GPHN: variants seen among roughly 807,000 people sequenced by gnomAD.
GPHN encodes the protein gephyrin.
GPHN carries 17 observed loss-of-function variants against 95.5 expected under a neutral mutation model. The observed-to-expected ratio is 0.18, with a 90% CI of 0.12 to 0.27. The LOEUF (loss-of-function observed/expected upper bound fraction) is 0.27. Among genes scored for constraint, GPHN ranks in the 10% least tolerant of loss-of-function variants. The pLI, the probability that GPHN is intolerant of heterozygous loss-of-function variation, is 1.00. For synonymous variants in GPHN, 320 were observed against 322.5 expected (o/e 0.99, Z 0.08); for missense variants, 660 against 978.1 (o/e 0.67, Z 4.34).
At chr14:67,268,594 G>A in the GPHN span, among the ~76,000 whole-genome samples, 1,329 of 152,280 alleles carry the variant, frequency 8.7e-3, 20 homozygotes, top group African/African-American at 0.029. Context: ...AGACCATATA[G>A]GGTGACTTCC....
chr14:66,887,706 A>G (rs1479445605), intron 5 of GPHN, among the ~76,000 whole-genome samples: 1 of 152,218 alleles, frequency 6.6e-6, no homozygotes, highest in Non-Finnish European at 1.5e-5. Flanking sequence ...GGCTATGAAG[A>G]AAAATTACAA....
intron 10 of GPHN, among the ~76,000 whole-genome samples, chr14:67,049,759 C>T (rs2075218127): frequency 6.6e-6 from 1 of 152,178 alleles, no homozygotes; most frequent in East Asian, 1.9e-4. Flanking sequence ...GATCCGCCCA[C>T]CTCAGCCTCC....
At chr14:66,549,516 G>A (rs2059738321) in intron 1 of GPHN, among the ~76,000 whole-genome samples, 1 of 152,074 alleles carries the variant, frequency 6.6e-6, no homozygotes, top group African/African-American at 2.4e-5. Flanking sequence ...GATTCGTGAG[G>A]TATAAGAAAA....
chr14:66,554,108 A>G (rs2059923422), intron 1 of GPHN, among the ~76,000 whole-genome samples: 2 of 151,586 alleles, frequency 1.3e-5, no homozygotes, highest in Admixed American at 6.6e-5. Context: ...CTGAAAGTTT[A>G]TATTTTGGAA....
chr14:66,724,167 T>A (rs1336499809), intron 2 of GPHN, among the ~76,000 whole-genome samples: 1 of 152,220 alleles, frequency 6.6e-6, no homozygotes. Context: ...GATTCTGGCA[T>A]ATGGGACAAA....
chr14:66,778,726 C>CTTTTTTTTT (rs759940498), intron 3 of GPHN, among the ~76,000 whole-genome samples: 1 of 59,374 alleles, frequency 1.7e-5, no homozygotes, highest in African/African-American at 7.6e-5. Flanking sequence ...ACTCAAGGGG[C>CTTTTTTTTT]TTTTTTTTTT....
the GPHN span, among the ~76,000 whole-genome samples, chr14:67,213,074 T>A: frequency 6.7e-6 from 1 of 149,274 alleles, no homozygotes; most frequent in Non-Finnish European, 1.5e-5. Context: ...AGCTTGGGGA[T>A]GGGGCATAGA....
chr14:67,040,385 T>C (rs2074638326), intron 10 of GPHN, among the ~76,000 whole-genome samples: 1 of 152,046 alleles, frequency 6.6e-6, no homozygotes, highest in African/African-American at 2.4e-5. Context: ...TGTATTTCCT[T>C]CCAAAAAAAT....
At chr14:67,605,001 A>G in the GPHN span, among the ~76,000 whole-genome samples, 1 of 152,128 alleles carries the variant, frequency 6.6e-6, no homozygotes. Flanking sequence ...AACCTGTCTC[A>G]ATTACTGTAG....
the GPHN span, among the ~76,000 whole-genome samples, chr14:67,483,355 A>T: frequency 6.6e-6 from 1 of 152,062 alleles, no homozygotes; most frequent in Non-Finnish European, 1.5e-5. Context: ...TGGGATTCAA[A>T]CCCCACAAAT....
chr14:67,358,861 G>A, the GPHN span, among the ~76,000 whole-genome samples: 5 of 152,170 alleles, frequency 3.3e-5, no homozygotes, highest in Admixed American at 6.5e-5. Context: ...CCAAAAGAAA[G>A]GCAGCCCACA....
chr14:67,655,291 C>T, the GPHN span, among the ~76,000 whole-genome samples: 1 of 152,130 alleles, frequency 6.6e-6, no homozygotes, highest in Non-Finnish European at 1.5e-5. Flanking sequence ...TGCACTGCTG[C>T]ACTCCAGCCT....
chr14:66,886,290 G>C (rs2064184496), intron 5 of GPHN, among the ~76,000 whole-genome samples: 1 of 152,096 alleles, frequency 6.6e-6, no homozygotes, highest in Non-Finnish European at 1.5e-5. Context: ...CCTTTTTGTA[G>C]CATTAGACAG....
chr14:67,192,836 AT>A, the GPHN span, among the ~76,000 whole-genome samples: 1 of 146,284 alleles, frequency 6.8e-6, no homozygotes, highest in Non-Finnish European at 1.5e-5. Flanking sequence ...AGATCTATAT[AT>A]ATATCTATAT....
At chr14:66,669,684 G>T (rs934416336) in intron 1 of GPHN, among the ~76,000 whole-genome samples, 7 of 151,368 alleles carry the variant, frequency 4.6e-5, no homozygotes, top group Non-Finnish European at 8.8e-5. Flanking sequence ...GATTGTTTTC[G>T]CATGTTTCTT....
At chr14:67,192,558 T>A in the GPHN span, among the ~76,000 whole-genome samples, 5 of 151,448 alleles carry the variant, frequency 3.3e-5, no homozygotes, top group African/African-American at 1.2e-4. Flanking sequence ...TGCAAGGAGC[T>A]TATCAGGAGA....
At chr14:67,533,713 A>G in the GPHN span, 1 of 151,972 alleles carries the variant, frequency 6.6e-6, no homozygotes, top group Non-Finnish European at 1.5e-5. Flanking sequence ...CCACCTTGCT[A>G]TCGGTGCTCG....
chr14:67,256,797 G>GACACACACACACACACACACACACACAC, the GPHN span, among the ~76,000 whole-genome samples: 2 of 147,682 alleles, frequency 1.4e-5, no homozygotes, highest in Non-Finnish European at 1.5e-5. Context: ...AGAAACTATT[G>GACACACACACACACACACACACACACAC]ACACACACAC....
chr14:66,849,318 A>G (rs189410624), intron 4 of GPHN, among the ~76,000 whole-genome samples: 38 of 152,106 alleles, frequency 2.5e-4, no homozygotes, highest in African/African-American at 7.5e-4. Context: ...ATCATTAAAC[A>G]TTTAGGTTCT....
Sources: allele counts gnomAD v4.1 joint callset (sites outside exome capture counted in the v4.1 genomes callset), GRCh38; gene constraint gnomAD v4.1.1; transcripts MANE v1.5; gene names NCBI Gene and HGNC (gene_info 2026-07-23, HGNC 2026-07-21).